The following RELN variants were observed in gnomAD, a reference collection of about 807,000 sequenced individuals.
RELN encodes the protein reelin.
A neutral mutation model predicts 427.6 loss-of-function variants in RELN; 108 were observed. That is an observed-to-expected ratio of 0.25 (90% CI 0.22 to 0.30). The LOEUF is 0.30. Ranked by LOEUF, RELN falls within the 10% of genes least tolerant of loss-of-function variation. RELN has a pLI of 1.00. For synonymous variants in RELN, 1,524 were observed against 1,513.4 expected (o/e 1.01, Z -0.16); for missense variants, 3,715 against 4,302.8 (o/e 0.86, Z 3.82).
In RELN at chr7:103,603,467, G is replaced by A. The variant is rs547912865; in HGVS notation, c.3170C>T (p.Thr1057Ile). The A allele has an allele frequency of 8.7e-6, 14 of 1,613,862 alleles. No homozygotes were observed. The East Asian group carries it at 3.1e-4, about 36-fold the overall frequency. Residue 1057 changes from threonine (T) to isoleucine (I), a missense_variant, in exon 24 of 65, where the codon ACT (threonine) becomes ATT (isoleucine). Physicochemically the swap from Thr to Ile is moderately conservative, Grantham distance 89. This residue lies in a region of RELN where 2,208 missense variants were observed against 2,361.7 expected (regional missense o/e 0.93). Transcript: ENST00000428762. This position sits in a 1 kb window ranked among gnomAD's most constrained non-coding sequence, Gnocchi z 4.3. ...ICRCDQGYQG[T>I]ECHPEAALPS... ...AAGGGCAGCTTCTGGGTGGCATTCA[G>A]TGCCTTGGTACCCCTGGTCACACCT...
intron 4 of RELN, among the ~76,000 whole-genome samples, chr7:103,758,791 G>A (rs1374007234): frequency 6.6e-6 from 1 of 150,642 alleles, no homozygotes; most frequent in Non-Finnish European, 1.5e-5. Context: ...TCATGTTTGT[G>A]ATAGTGCCAC....
chr7:103,793,528 G>A (rs964160217), intron 3 of RELN, among the ~76,000 whole-genome samples: 1 of 152,176 alleles, frequency 6.6e-6, no homozygotes, highest in Non-Finnish European at 1.5e-5. Context: ...GCATTGCCAT[G>A]TTGCTAAGCA....
chr7:103,762,163 C>T (rs927957320), intron 4 of RELN, among the ~76,000 whole-genome samples: 2 of 152,066 alleles, frequency 1.3e-5, no homozygotes, highest in African/African-American at 4.8e-5. Context: ...GGGTGATGTC[C>T]TAAAGGAATG....
In RELN at chr7:103,968,928, G is replaced by A. The variant is rs570971161; in HGVS notation, c.226+20203C>T. Among the ~76,000 whole-genome samples the A allele has an allele frequency of 9.3e-4, 142 of 152,232 alleles. No individual in the cohort carries two copies. Among genetic ancestry groups the A allele is most frequent in the African/African-American group, 3.2e-3 (135 of 41,562 alleles). ...GATTTAATTAAAATTTCAGAATCAT[G>A]AAAAAGAAATGACCTATTTAACTTG... On this transcript the variant is annotated intron_variant, in intron 1 of 64. Coordinates refer to ENST00000428762, the MANE Select transcript of RELN (RefSeq NM_005045.4). The surrounding 1 kb of genome is among the most constrained non-coding windows in gnomAD (Gnocchi z 4.3).
intron 8 of RELN, among the ~76,000 whole-genome samples, chr7:103,719,018 A>G (rs2299372): frequency 0.25 from 37,868 of 152,116 alleles, 4,866 homozygotes; most frequent in South Asian, 0.38. Context: ...CTATTTCTCT[A>G]TTGCTCAAGA....
chr7:103,548,390 T>C (rs753289286), intron 41 of RELN, among the ~76,000 whole-genome samples: 1 of 152,240 alleles, frequency 6.6e-6, no homozygotes, highest in Non-Finnish European at 1.5e-5. Context: ...CCATGTTGAA[T>C]ACCAACCAAG....
At chr7:103,861,335 C>T in intron 2 of RELN, among the ~76,000 whole-genome samples, 1 of 152,050 alleles carries the variant, frequency 6.6e-6, no homozygotes. Flanking sequence ...CAACATACTA[C>T]AAATTATTGC....
At chr7:103,600,686 A>G (rs1831645213) in intron 24 of RELN, among the ~76,000 whole-genome samples, 1 of 152,208 alleles carries the variant, frequency 6.6e-6, no homozygotes, top group African/African-American at 2.4e-5. Flanking sequence ...GTTCTGAATG[A>G]ATCAACAGAA....
chr7:103,580,152 A>G (rs1831097381), intron 28 of RELN, among the ~76,000 whole-genome samples: 1 of 152,374 alleles, frequency 6.6e-6, no homozygotes, highest in Middle Eastern at 3.4e-3. Context: ...TATTATAAGC[A>G]TGTTTGCCTC....
chr7:103,918,127 CA>C (rs1795529195), intron 1 of RELN, among the ~76,000 whole-genome samples: 2 of 152,128 alleles, frequency 1.3e-5, no homozygotes, highest in South Asian at 4.2e-4. Context: ...ATCCGGTGAA[CA>C]GAGCTAAATG....
At chr7:103,756,252 A>G (rs1232402969) in intron 4 of RELN, among the ~76,000 whole-genome samples, 2 of 152,212 alleles carry the variant, frequency 1.3e-5, no homozygotes, top group Non-Finnish European at 2.9e-5. Flanking sequence ...CACAATCAGC[A>G]GGAGAGGGCC....
chr7:103,958,202 A>C (rs1584400642), intron 1 of RELN, among the ~76,000 whole-genome samples: 1 of 152,174 alleles, frequency 6.6e-6, no homozygotes, highest in African/African-American at 2.4e-5. Flanking sequence ...CTGAGAATAA[A>C]TTGCCCTTTC....
At chr7:103,907,417 A>G (rs200670752) in intron 2 of RELN, among the ~76,000 whole-genome samples, 449 of 37,572 alleles carry the variant, frequency 0.012, no homozygotes, top group East Asian at 0.014. Flanking sequence ...AGGCTCTGGA[A>G]AAAAAAAAAA....
chr7:103,756,098 A>G (rs1791144746), intron 4 of RELN, among the ~76,000 whole-genome samples: 1 of 152,258 alleles, frequency 6.6e-6, no homozygotes, highest in East Asian at 1.9e-4. Context: ...CCTACTTTAC[A>G]TTAAATGACT....
intron 53 of RELN, among the ~76,000 whole-genome samples, chr7:103,499,976 A>T (rs1296973524): frequency 6.6e-6 from 1 of 152,178 alleles, no homozygotes; most frequent in African/African-American, 2.4e-5. Flanking sequence ...AATTTTATTT[A>T]AAAAATGTTC....
chr7:103,581,101 G>A (rs147024530), intron 28 of RELN, among the ~76,000 whole-genome samples: 13 of 152,238 alleles, frequency 8.5e-5, no homozygotes, highest in Non-Finnish European at 1.8e-4. Context: ...GTTCTCAGGG[G>A]GTGAAGTCTG....
chr7:103,750,329 T>G (rs1228557797), intron 5 of RELN, among the ~76,000 whole-genome samples: 1 of 152,180 alleles, frequency 6.6e-6, no homozygotes, highest in Non-Finnish European at 1.5e-5. Flanking sequence ...CGGCACTTCT[T>G]GCTGCCACCA....
At chr7:103,655,119 A>G (rs1832999355) in intron 12 of RELN, among the ~76,000 whole-genome samples, 1 of 152,012 alleles carries the variant, frequency 6.6e-6, no homozygotes, top group Non-Finnish European at 1.5e-5. Context: ...GTCCCAGTCA[A>G]CAATTCTTGC....
At position 103,593,725 on chromosome 7, in the gene RELN, G is replaced by A. The variant is rs1831473738; in HGVS notation, c.3869C>T (p.Thr1290Ile). 6.2e-7 allele frequency: 1 copy of A among 1,614,038 alleles called. No individual in the cohort carries two copies. The highest frequency in any genetic ancestry group is 1.3e-5 in the African/African-American group (1 of 75,052). The stretch of plus-strand genomic sequence containing the variant: ...TCCAGGTTTCAGGGTCAAATCTCGA[G>A]TTACTGCAAATCGATCTCCATCTGA... Reference protein sequence around the residue: ...GKSDGDRFAVTRDLTLKPGYV... With the variant: ...GKSDGDRFAVIRDLTLKPGYV... The change falls in exon 27 of 65, where the codon ACT becomes ATT. Residue 1290 changes from threonine to isoleucine, a missense_variant. Thr to Ile is a moderately conservative substitution (Grantham distance 89). Around this residue, in one of 4 missense-constraint regions of RELN, gnomAD observed 2,208 missense variants for 2,361.7 expected, o/e 0.93. Transcript: ENST00000428762.
Sources: allele counts gnomAD v4.1 joint callset (sites outside exome capture counted in the v4.1 genomes callset), GRCh38; gene constraint gnomAD v4.1.1; regional missense constraint gnomAD v4.1.1; non-coding constraint Gnocchi (gnomAD v3.1); transcripts MANE v1.5; gene names NCBI Gene and HGNC (gene_info 2026-07-23, HGNC 2026-07-21).